CELF2: variants seen among roughly 807,000 people sequenced by gnomAD.
CELF2 encodes the protein CUGBP Elav-like family member 2, also known as CUG triplet repeat RNA-binding protein 2.
In CELF2, 8 loss-of-function variants were observed where a neutral mutation model predicts 62.6. The ratio of observed to expected loss-of-function variants is 0.13; its 90% confidence interval spans 0.07 to 0.23. The LOEUF is 0.23. Among genes scored for constraint, CELF2 ranks in the 10% least tolerant of loss-of-function variants. The pLI, the probability that CELF2 is intolerant of heterozygous loss-of-function variation, is 1.00. For missense variants in CELF2, 333 were observed against 671.0 expected, an observed-to-expected ratio of 0.50 and a Z score of 5.56; for synonymous variants, 258 against 250.0, an observed-to-expected ratio of 1.03 and a Z score of -0.30.
chr10:10,858,592 A>G (rs1252743472), intron 1 of CELF2, among the ~76,000 whole-genome samples: 1 of 152,170 alleles, frequency 6.6e-6, no homozygotes. Flanking sequence ...TACTTGAGCT[A>G]TATTAAATGT....
At chr10:10,857,649 G>GTGTATA (rs1554855649) in intron 1 of CELF2, among the ~76,000 whole-genome samples, 3 of 94,258 alleles carry the variant, frequency 3.2e-5, no homozygotes, top group Admixed American at 1.3e-4. Context: ...CATATATATA[G>GTGTATA]TATATATATA....
chr10:10,512,497 C>T, the CELF2 span, among the ~76,000 whole-genome samples: 2 of 150,538 alleles, frequency 1.3e-5, no homozygotes, highest in African/African-American at 4.9e-5. Context: ...ACCTCCGCCT[C>T]CCAGGTCAAG....
chr10:10,566,588 T>C, the CELF2 span, among the ~76,000 whole-genome samples: 2 of 122,620 alleles, frequency 1.6e-5, no homozygotes, highest in African/African-American at 6.3e-5. Context: ...CCCACCACAG[T>C]CCCCAGAGTG....
At chr10:10,546,742 G>A in the CELF2 span, among the ~76,000 whole-genome samples, 16,364 of 151,922 alleles carry the variant, frequency 0.11, 972 homozygotes, top group East Asian at 0.24. Flanking sequence ...TCCCAAAAAA[G>A]TCAGGGAAAA....
chr10:10,538,764 G>A, the CELF2 span, among the ~76,000 whole-genome samples: 1 of 152,154 alleles, frequency 6.6e-6, no homozygotes, highest in East Asian at 1.9e-4. Context: ...AGGAAAGGAG[G>A]CCACCGTACT....
At chr10:11,169,994 T>C (rs553532862) in intron 2 of CELF2, among the ~76,000 whole-genome samples, 81 of 152,294 alleles carry the variant, frequency 5.3e-4, no homozygotes, top group African/African-American at 1.6e-3. Flanking sequence ...ATTTGGTGAC[T>C]GGGAGGACCC....
At chr10:11,102,331 G>A (rs2051933619) in intron 1 of CELF2, 1 of 152,204 alleles carries the variant, frequency 6.6e-6, no homozygotes, top group Non-Finnish European at 1.5e-5. Flanking sequence ...AAAGGCATTA[G>A]CTGGTTCTTC....
chr10:11,070,528 G>C (rs2069579389), intron 1 of CELF2, among the ~76,000 whole-genome samples: 1 of 152,186 alleles, frequency 6.6e-6, no homozygotes, highest in African/African-American at 2.4e-5. Context: ...GGCCTGGTGA[G>C]AAATTTCCGG....
chr10:10,479,699 G>T, the CELF2 span, among the ~76,000 whole-genome samples: 1 of 152,250 alleles, frequency 6.6e-6, no homozygotes, highest in Non-Finnish European at 1.5e-5. Flanking sequence ...TCTACCAGGG[G>T]ACTTTGGACA....
At chr10:10,586,000 G>A in the CELF2 span, among the ~76,000 whole-genome samples, 48,017 of 152,052 alleles carry the variant, frequency 0.32, 7,977 homozygotes, top group East Asian at 0.6. Context: ...ACTATTGTAT[G>A]TTCATAAATA....
intron 3 of CELF2, among the ~76,000 whole-genome samples, chr10:11,222,085 C>G (rs1000156105): frequency 6.6e-6 from 1 of 152,204 alleles, no homozygotes; most frequent in African/African-American, 2.4e-5. Flanking sequence ...GCACCTTCCT[C>G]CCAAGCAGGC....
At chr10:11,038,257 T>C (rs746468023) in intron 1 of CELF2, among the ~76,000 whole-genome samples, 7 of 152,194 alleles carry the variant, frequency 4.6e-5, no homozygotes, top group African/African-American at 7.2e-5. Flanking sequence ...ACTTCCTTTT[T>C]TTCCATCTGT....
chr10:10,939,598 A>C (rs1303296789), intron 2 of CELF2, among the ~76,000 whole-genome samples: 1 of 151,902 alleles, frequency 6.6e-6, no homozygotes, highest in Non-Finnish European at 1.5e-5. Flanking sequence ...TAATTAGCAA[A>C]TTCTTAATAA....
chr10:11,213,577 T>C (rs1022985092), intron 2 of CELF2, among the ~76,000 whole-genome samples: 1 of 152,262 alleles, frequency 6.6e-6, no homozygotes. Context: ...TGAAATATTG[T>C]CTGCAGGTGG....
chr10:10,844,898 T>C (rs1477842497), intron 1 of CELF2, among the ~76,000 whole-genome samples: 1 of 152,148 alleles, frequency 6.6e-6, no homozygotes. Context: ...GATCTCCCTT[T>C]GAGAAAGAAC....
At chr10:10,672,565 A>G in the CELF2 span, among the ~76,000 whole-genome samples, 1 of 150,372 alleles carries the variant, frequency 6.7e-6, no homozygotes, top group African/African-American at 2.5e-5. Context: ...TGTCTTCTCC[A>G]TCTCATTGCC....
At chr10:10,742,308 T>C in the CELF2 span, among the ~76,000 whole-genome samples, 1 of 152,192 alleles carries the variant, frequency 6.6e-6, no homozygotes, top group African/African-American at 2.4e-5. Context: ...AATTTATCCA[T>C]ACACCCTTTT....
chr10:11,200,990 AG>A (rs1291812329), intron 2 of CELF2, among the ~76,000 whole-genome samples: 7 of 152,208 alleles, frequency 4.6e-5, no homozygotes, highest in Non-Finnish European at 1.5e-5. Flanking sequence ...TTGCTCAAAA[AG>A]GTGTTCTCAT....
intron 1 of CELF2, among the ~76,000 whole-genome samples, chr10:11,026,607 G>T (rs967938378): frequency 6.6e-6 from 1 of 152,240 alleles, no homozygotes; most frequent in Admixed American, 6.5e-5. Flanking sequence ...CCTAGATTCA[G>T]TGTGGTCATA....
Sources: gnomAD v4.1 joint callset for allele counts (sites outside exome capture counted in the v4.1 genomes callset) on GRCh38, gnomAD v4.1.1 for gene constraint, MANE v1.5 for transcripts, NCBI Gene and HGNC (gene_info 2026-07-23, HGNC 2026-07-21) for gene names.